The following PARD3B variants were observed in gnomAD, a reference collection of about 807,000 sequenced individuals.
PARD3B encodes the protein par-3 family cell polarity regulator beta.
A neutral mutation model predicts 130.2 loss-of-function variants in PARD3B; 103 were observed. The observed-to-expected ratio is 0.79, with a 90% CI of 0.67 to 0.93. PARD3B has a LOEUF of 0.93. PARD3B is among the 40% of genes least tolerant of loss of function. PARD3B has a pLI of 0.00. For missense variants in PARD3B, 1,609 were observed against 1,499.2 expected (o/e 1.07, Z -1.21); for synonymous variants, 583 against 553.2 (o/e 1.05, Z -0.76).
intron 16 of PARD3B, among the ~76,000 whole-genome samples, chr2:205,251,423 G>A (rs1194174993): frequency 6.6e-6 from 1 of 152,108 alleles, no homozygotes; most frequent in Non-Finnish European, 1.5e-5. Context: ...ACTTCAGCAG[G>A]CCTTACATTT....
At chr2:204,920,244 C>T (rs935760313) in intron 2 of PARD3B, among the ~76,000 whole-genome samples, 5 of 152,126 alleles carry the variant, frequency 3.3e-5, no homozygotes, top group African/African-American at 7.2e-5. Flanking sequence ...TATACACTTT[C>T]GAGCATTGAG....
intron 1 of PARD3B, among the ~76,000 whole-genome samples, chr2:204,580,519 C>G (rs1161324282): frequency 1.3e-5 from 2 of 152,110 alleles, no homozygotes; most frequent in African/African-American, 4.8e-5. Context: ...ATGGAGGTAG[C>G]TAGAAGCACG....
In PARD3B at chr2:204,623,592, A is replaced by T. The variant is rs1400051182; in HGVS notation, c.121-62589A>T. Among the ~76,000 whole-genome samples the T allele has an allele frequency of 6.6e-6, 1 of 152,012 alleles. No individual in the cohort carries two copies. Among genetic ancestry groups the T allele is most frequent in the African/African-American group, 2.4e-5 (1 of 41,388 alleles). ...TTCTACTTGGCATAATGTCATTGAG[A>T]TATATCCAAGTTGTTGCATGTATCA... On this transcript the variant is annotated intron_variant, in intron 1 of 22. Transcript: ENST00000406610. The surrounding 1 kb of genome is among the most constrained non-coding windows in gnomAD (Gnocchi z 4.5).
At chr2:204,830,507 A>G (rs1435348544) in intron 2 of PARD3B, among the ~76,000 whole-genome samples, 1 of 152,214 alleles carries the variant, frequency 6.6e-6, no homozygotes, top group Non-Finnish European at 1.5e-5. Context: ...CATAATGTTT[A>G]TATAGTGAAG....
chr2:205,124,895 GT>G (rs1559463694), intron 9 of PARD3B, among the ~76,000 whole-genome samples: 1 of 152,208 alleles, frequency 6.6e-6, no homozygotes. Context: ...CCTATCATCT[GT>G]GCTAGGATAG....
rs78876431 is a variant in PARD3B at position 204,736,279 on chromosome 2, A to G, written c.222+49997A>G. Among the ~76,000 whole-genome samples the G allele has an allele frequency of 3.4e-3, 521 of 152,166 alleles. 3 individuals are homozygous for G. The highest frequency in any genetic ancestry group is 0.012 in the African/African-American group (491 of 41,520). On this transcript the variant is annotated intron_variant, in intron 2 of 22. Transcript: ENST00000406610. Reference sequence around the variant, plus strand: ...TAAAACGTTTTTATTTTTTAAATTCATATTTTCATTTCCATAGCATTTGGG... The same window carrying G: ...TAAAACGTTTTTATTTTTTAAATTCGTATTTTCATTTCCATAGCATTTGGG...
intron 1 of PARD3B, among the ~76,000 whole-genome samples, chr2:204,616,803 G>T (rs2034129137): frequency 1.3e-5 from 2 of 152,198 alleles, no homozygotes; most frequent in Non-Finnish European, 2.9e-5. Context: ...AGTCCTGCGT[G>T]TAGTGGTGTG....
chr2:205,567,476 G>A (rs1457854893), intron 22 of PARD3B, among the ~76,000 whole-genome samples: 13 of 43,886 alleles, frequency 3.0e-4, no homozygotes, highest in East Asian at 8.8e-4. Flanking sequence ...CACCATGCCC[G>A]GTTAATTTTT....
chr2:205,459,938 T>C (rs144391368), intron 20 of PARD3B, among the ~76,000 whole-genome samples: 110 of 152,296 alleles, frequency 7.2e-4, no homozygotes, highest in African/African-American at 2.6e-3. Context: ...CTCCTGGCAG[T>C]GAGGCCAGTG....
chr2:204,785,590 C>A (rs898637351), intron 2 of PARD3B, among the ~76,000 whole-genome samples: 2 of 152,286 alleles, frequency 1.3e-5, no homozygotes, highest in East Asian at 3.9e-4. Flanking sequence ...TCTCAGAACC[C>A]TTATGAGAGT....
chr2:204,765,887 C>T (rs534259277), intron 2 of PARD3B, among the ~76,000 whole-genome samples: 17 of 152,226 alleles, frequency 1.1e-4, no homozygotes, highest in South Asian at 2.1e-4. Flanking sequence ...TCAGCAATTT[C>T]GAGCCCATCG....
At chr2:205,025,699 A>G (rs1449999525) in intron 3 of PARD3B, among the ~76,000 whole-genome samples, 2 of 152,100 alleles carry the variant, frequency 1.3e-5, no homozygotes, top group Non-Finnish European at 2.9e-5. Context: ...CCTGCTGAGC[A>G]GATACATAAA....
At chr2:205,041,826 T>C (rs900634617) in intron 3 of PARD3B, among the ~76,000 whole-genome samples, 3 of 152,166 alleles carry the variant, frequency 2.0e-5, no homozygotes, top group African/African-American at 7.2e-5. Context: ...ATTGTTGTTT[T>C]CCCTGCTGCC....
At chr2:204,969,078 G>T (rs1474671839) in intron 3 of PARD3B, among the ~76,000 whole-genome samples, 1 of 152,174 alleles carries the variant, frequency 6.6e-6, no homozygotes, top group Non-Finnish European at 1.5e-5. Context: ...TTACCATATA[G>T]TACAGAGATT....
chr2:205,155,061 C>A (rs1486299819), intron 10 of PARD3B, among the ~76,000 whole-genome samples: 2 of 148,104 alleles, frequency 1.4e-5, no homozygotes, highest in Non-Finnish European at 1.5e-5. Context: ...AATTTCATTT[C>A]AAAAAAAAAA....
At chr2:204,616,065 A>C (rs2034100560) in intron 1 of PARD3B, among the ~76,000 whole-genome samples, 1 of 152,160 alleles carries the variant, frequency 6.6e-6, no homozygotes, top group Non-Finnish European at 1.5e-5. Flanking sequence ...GAGTATGGCA[A>C]TGACTTTTTA....
intron 1 of PARD3B, among the ~76,000 whole-genome samples, chr2:204,572,096 G>A (rs1239398120): frequency 6.6e-6 from 1 of 152,164 alleles, no homozygotes; most frequent in Admixed American, 6.5e-5. Flanking sequence ...AGGGAGAAAG[G>A]GAAAGTAAAC....
chr2:204,857,305 T>C (rs114827146), intron 2 of PARD3B, among the ~76,000 whole-genome samples: 2,692 of 152,244 alleles, frequency 0.018, 87 homozygotes, highest in African/African-American at 0.06. Context: ...AAAGTAACTC[T>C]TTATCTTAAG....
In PARD3B at chr2:205,321,548, C is replaced by T. The variant is rs2042754020; in HGVS notation, c.2630+19847C>T. Among the ~76,000 whole-genome samples, 1 of 151,988 alleles carries T rather than the reference C, an allele frequency of 6.6e-6. No homozygotes were observed. The highest frequency in any genetic ancestry group is 1.5e-5 in the Non-Finnish European group (1 of 68,004). ...AATGCAGGCATGCATGCATTTTTCTCTTAATAACTTAACAGTGGTTGCAAA... is the reference window on the plus strand; with the variant it reads ...AATGCAGGCATGCATGCATTTTTCTTTTAATAACTTAACAGTGGTTGCAAA... On this transcript the variant is annotated intron_variant, in intron 18 of 22. Transcript: ENST00000406610. This position sits in a 1 kb window ranked among gnomAD's most constrained non-coding sequence, Gnocchi z 4.2.
Sources: allele counts gnomAD v4.1 joint callset (sites outside exome capture counted in the v4.1 genomes callset), GRCh38; gene constraint gnomAD v4.1.1; non-coding constraint Gnocchi (gnomAD v3.1); transcripts MANE v1.5; gene names NCBI Gene and HGNC (gene_info 2026-07-23, HGNC 2026-07-21).